Variants in NCAN observed in about 807,000 individuals in gnomAD.
The protein encoded by NCAN is neurocan, also known as neurocan core protein.
NCAN carries 47 observed loss-of-function variants against 121.8 expected under a neutral mutation model. The ratio of observed to expected loss-of-function variants is 0.39; its 90% confidence interval spans 0.31 to 0.49. The LOEUF (loss-of-function observed/expected upper bound fraction) is 0.49. NCAN is among the 20% of genes least tolerant of loss of function. The probability of loss-of-function intolerance (pLI) is 0.92; values close to 1 mark genes in which losing one functional copy is unlikely to be tolerated. For synonymous variants in NCAN, 633 were observed against 702.0 expected (o/e 0.90, Z 1.55); for missense variants, 1,517 against 1,773.4 (o/e 0.86, Z 2.60).
rs2060903398 is a variant in NCAN, at chr19:19,241,575, A to G, written c.3492+890A>G. On this transcript the variant is annotated intron_variant, in intron 12 of 14. Transcript: ENST00000252575. Reference sequence around the variant, plus strand: ...CATAGAAGCTGGGCACAGTGGTACGAGCCTGTAGTCTCAGCTATCGGGAAG... The same window carrying G: ...CATAGAAGCTGGGCACAGTGGTACGGGCCTGTAGTCTCAGCTATCGGGAAG... Among the ~76,000 whole-genome samples, 3 of 151,984 alleles carry G rather than the reference A, an allele frequency of 2.0e-5. No individual in the cohort carries two copies. The South Asian group carries it at 6.2e-4, about 32-fold the overall frequency.
At position 19,212,847 on chromosome 19, in the gene NCAN, G is replaced by T. The variant is rs2060780308; in HGVS notation, c.-8+783G>T. Among the ~76,000 whole-genome samples the T allele has an allele frequency of 6.6e-6, 1 of 152,138 alleles. No individual in the cohort carries two copies. The highest frequency in any genetic ancestry group is 6.5e-5 in the Admixed American group (1 of 15,284). On this transcript the variant is annotated intron_variant, in intron 1 of 14. Transcript: ENST00000252575. The surrounding 1 kb of genome is among the most constrained non-coding windows in gnomAD (Gnocchi z 4.5). ...ACCTGTGAGGGATACCAGCTCAGAG[G>T]GGGGGCTGTCCCCCAGCACCTTCAC... is the stretch of plus-strand genomic sequence containing the variant.
intron 4 of NCAN, 46 bp downstream of exon 4, chr19:19,224,241 G>A (rs1389254843): frequency 1.3e-6 from 2 of 1,592,966 alleles, no homozygotes; most frequent in African/African-American, 1.3e-5. Context: ...AGCTCATGGG[G>A]AAGGAGGTTC....
In NCAN at chr19:19,227,394, G is replaced by A; in HGVS notation, c.1774G>A (p.Gly592Ser). 3.7e-6 allele frequency: 6 copies of A among 1,613,636 alleles called. No individual in the cohort carries two copies. The highest frequency in any genetic ancestry group is 5.1e-6 in the Non-Finnish European group (6 of 1,179,960). The change falls in exon 8 of 15, where the codon GGC becomes AGC. Residue 592 changes from glycine to serine, a missense_variant. By Grantham distance (56) the Gly-to-Ser change is moderately conservative. Transcript: ENST00000252575. The surrounding 1 kb of genome is among the most constrained non-coding windows in gnomAD (Gnocchi z 4.2). ...TGTCCTGGAGCTAGAGAAAGCCGAG[G>A]GCCCCAGTGCCAGGCCAGCCACCCC... ...APVLELEKAEGPSARPATPDL... is the reference protein window; with the variant it reads ...APVLELEKAESPSARPATPDL...
Position 19,221,058 on chromosome 19 carries a change from C to A in NCAN, c.475+1742C>A, listed in dbSNP as rs935444879. Among the ~76,000 whole-genome samples the A allele has an allele frequency of 2.0e-5, 3 of 151,742 alleles. No homozygotes were observed. In the East Asian group the frequency reaches 5.8e-4, roughly 29 times the overall value. On this transcript the variant is annotated intron_variant, in intron 3 of 14. Coordinates refer to ENST00000252575, the MANE Select transcript of NCAN (RefSeq NM_004386.3). ...GACCAGCCTGGGCAACATAGTGAGA[C>A]CTTGTCTATACAAAATTCCAAATTC...
In NCAN at chr19:19,248,818, T is replaced by C. The variant is rs372077588; in HGVS notation, c.3756T>C (p.His1252=). ...GCAATGAAGGATTTGCCCAGCACCA[T>C]GTGGCCACCATTCGATGCCGGAGCA... The part of the protein sequence containing the change: ...YQCNEGFAQH[H]VATIRCRSNG... The change falls in exon 14 of 15, where the codon CAT becomes CAC. Residue 1252 remains histidine, a synonymous_variant. Coordinates refer to ENST00000252575, the MANE Select transcript of NCAN (RefSeq NM_004386.3). 49 of 1,614,098 alleles carry C rather than the reference T, an allele frequency of 3.0e-5. No homozygotes were observed. The highest frequency in any genetic ancestry group is 4.1e-5 in the Non-Finnish European group (48 of 1,180,040).
chr19:19,248,967 ATC>A (rs1402716294), intron 14 of NCAN, 85 bp downstream of exon 14: 1 of 1,428,372 alleles, frequency 7.0e-7, no homozygotes, highest in East Asian at 2.3e-5. Context: ...CCACACATTG[ATC>A]TGGCTTAATG....
chr19:19,232,077 T>A (rs559998386), intron 8 of NCAN, among the ~76,000 whole-genome samples: 1 of 151,982 alleles, frequency 6.6e-6, no homozygotes, highest in Non-Finnish European at 1.5e-5. Flanking sequence ...AGAAGCTCAA[T>A]GCCCAAAGAA....
At position 19,227,502 on chromosome 19, in the gene NCAN, C is replaced by T. The variant is rs138659174; in HGVS notation, c.1882C>T (p.Pro628Ser). Residue 628 changes from proline to serine, a missense_variant, in exon 8 of 15, where the codon CCA (proline) becomes TCA (serine). By Grantham distance (74) the Pro-to-Ser change is moderately conservative. Coordinates refer to ENST00000252575, the MANE Select transcript of NCAN (RefSeq NM_004386.3). This position sits in a 1 kb window ranked among gnomAD's most constrained non-coding sequence, Gnocchi z 4.2. ...PWEAFPVATS[P>S]DLPMMAMLRG... ...GGAGGCATTCCCTGTGGCCACCTCC[C>T]CAGATCTCCCTATGATGGCCATGCT... The T allele has an allele frequency of 1.1e-4, 183 of 1,613,714 alleles. No homozygotes were observed. The highest frequency in any genetic ancestry group is 1.5e-4 in the Non-Finnish European group (176 of 1,179,980).
chr19:19,228,837 A>G (rs10406659), intron 8 of NCAN, among the ~76,000 whole-genome samples, 198 bp downstream of exon 8: 15,460 of 152,236 alleles, frequency 0.1, 1,576 homozygotes, highest in African/African-American at 0.26. Context: ...AGGAACGAGC[A>G]CTGGCAAAGG....
Position 19,224,342 on chromosome 19 carries a change from C to T in NCAN, c.687C>T (p.Gly229=), listed in dbSNP as rs766128588. 36 of 1,614,016 alleles carry T rather than the reference C, an allele frequency of 2.2e-5. No individual in the cohort carries two copies. Among genetic ancestry groups the T allele is most frequent in the Non-Finnish European group, 2.9e-5 (34 of 1,179,958 alleles). ...PITQSRPGCY[G]DRSSLPGVRS... is the part of the protein sequence containing the mutation. The stretch of plus-strand genomic sequence containing the variant: ...CCCAGTCCCGTCCTGGTTGCTATGG[C>T]GACCGTAGCAGCCTTCCAGGGGTTC... The change falls in exon 5 of 15, where the codon GGC becomes GGT. Residue 229 remains glycine, a synonymous_variant. Coordinates refer to ENST00000252575, the MANE Select transcript of NCAN (RefSeq NM_004386.3).
Position 19,220,450 on chromosome 19 carries a change from C to CTTTTTTT in NCAN, c.475+1152_475+1158dup, listed in dbSNP as rs71170607. 9.2e-4 allele frequency among the ~76,000 whole-genome samples: 67 copies of CTTTTTTT among 72,686 alleles called. 1 individual carries two copies. Among genetic ancestry groups the CTTTTTTT allele is most frequent in the Middle Eastern group, 0.02 (1 of 50 alleles). The allele number at this position is 72,686 out of a possible 152,430, so 47.7% of individuals were successfully genotyped here. On this transcript the variant is annotated intron_variant, in intron 3 of 14. Transcript: ENST00000252575. ...TTCTCAAATACCTGTTTAGGCAATTCTTTTTTTTTTTTTTTTTTTTTTTTG... is the reference window on the plus strand; with the variant it reads ...TTCTCAAATACCTGTTTAGGCAATTCTTTTTTTTTTTTTTTTTTTTTTTTTTTTTTTG...
chr19:19,232,390 G>A (rs1219606084), intron 8 of NCAN, among the ~76,000 whole-genome samples: 6 of 152,206 alleles, frequency 3.9e-5, no homozygotes, highest in Middle Eastern at 3.2e-3. Context: ...GGCACCTGGC[G>A]GGGCTCATGT....
intron 1 of NCAN, among the ~76,000 whole-genome samples, chr19:19,215,117 C>A (rs528258740): frequency 1.3e-5 from 2 of 152,084 alleles, no homozygotes; most frequent in Non-Finnish European, 2.9e-5. Flanking sequence ...GCTGCGTTGC[C>A]GCCTCAGAGT....
Position 19,228,047 on chromosome 19 carries a change from A to G in NCAN, c.2427A>G (p.Lys809=). The change falls in exon 8 of 15, where the codon AAA becomes AAG. Residue 809 remains lysine (K), a synonymous_variant. Transcript: ENST00000252575. ...LGSPGVFLVP[K]VTPNLEPWVA... is the part of the protein sequence containing the mutation. ...GCCCTGGAGTCTTCTTGGTACCCAA[A>G]GTCACCCCAAATTTGGAGCCTTGGG... The G allele has an allele frequency of 6.2e-7, 1 of 1,613,524 alleles. No individual in the cohort carries two copies. The highest frequency in any genetic ancestry group is 8.5e-7 in the Non-Finnish European group (1 of 1,180,020).
At chr19:19,216,538 C>T (rs2060796737) in intron 1 of NCAN, among the ~76,000 whole-genome samples, 1 of 152,148 alleles carries the variant, frequency 6.6e-6, no homozygotes, top group Non-Finnish European at 1.5e-5. Context: ...TCTCGAACCC[C>T]TGACCTCGTG....
chr19:19,212,079 A>AG lies in NCAN; in HGVS notation c.-8+20dup. Reference sequence around the variant, plus strand: ...CTAGGAGCCAGGTGGGGGATCCGTGAGGGGGCCGTGTTGCGGGAGAAGACT... The same window carrying AG: ...CTAGGAGCCAGGTGGGGGATCCGTGAGGGGGGCCGTGTTGCGGGAGAAGACT... On this transcript the variant is annotated intron_variant, in intron 1 of 14. Transcript: ENST00000252575. This position sits in a 1 kb window ranked among gnomAD's most constrained non-coding sequence, Gnocchi z 4.5. The AG allele has an allele frequency of 5.1e-6, 1 of 194,814 alleles. No homozygotes were observed. The allele number at this position is 194,814 out of a possible 1,614,324, so 12.1% of individuals were successfully genotyped here.
chr19:19,217,887 T>G (rs2060801557), intron 2 of NCAN, among the ~76,000 whole-genome samples: 1 of 151,988 alleles, frequency 6.6e-6, no homozygotes, highest in Non-Finnish European at 1.5e-5. Context: ...CTCGGGAGGC[T>G]GAGGCATGAG....
chr19:19,228,425 A>G lies in NCAN; in HGVS notation c.2805A>G (p.Ala935=). ...KPAVPPGTPT[A]ASVGESASVS... Reference sequence around the variant, plus strand: ...CTGTTCCTCCTGGGACACCGACTGCAGCCAGTGTGGGCGAGTCTGCCTCAG... The same window carrying G: ...CTGTTCCTCCTGGGACACCGACTGCGGCCAGTGTGGGCGAGTCTGCCTCAG... Residue 935 remains alanine (A), a synonymous_variant, in exon 8 of 15, where the codon GCA becomes GCG. Transcript: ENST00000252575. 6.2e-7 allele frequency: 1 copy of G among 1,613,700 alleles called. No individual in the cohort carries two copies. Among genetic ancestry groups the G allele is most frequent in the Non-Finnish European group, 8.5e-7 (1 of 1,180,026 alleles).
chr19:19,238,135 G>A, intron 10 of NCAN, 118 bp from the exon 11 acceptor site: 1 of 1,320,388 alleles, frequency 7.6e-7, no homozygotes, highest in Non-Finnish European at 1.1e-6. Flanking sequence ...GGAGAGGGGT[G>A]ATTTCGCCCC....
Sources: allele counts gnomAD v4.1 joint callset (sites outside exome capture counted in the v4.1 genomes callset), GRCh38; gene constraint gnomAD v4.1.1; non-coding constraint Gnocchi (gnomAD v3.1); transcripts MANE v1.5; gene names NCBI Gene and HGNC (gene_info 2026-07-23, HGNC 2026-07-21).